Variants in COG5 observed in about 807,000 individuals in gnomAD.
COG5 encodes the protein component of oligomeric golgi complex 5, also known as conserved oligomeric Golgi complex subunit 5.
A neutral mutation model predicts 110.4 loss-of-function variants in COG5; 86 were observed. The observed-to-expected ratio is 0.78, with a 90% CI of 0.65 to 0.93. The LOEUF (loss-of-function observed/expected upper bound fraction) is 0.93, where lower values mean the gene tolerates loss of function less well. Among genes scored for constraint, COG5 ranks in the 40% least tolerant of loss-of-function variants. The probability of loss-of-function intolerance (pLI) is 0.00; values close to 1 mark genes in which losing one functional copy is unlikely to be tolerated. For synonymous variants in COG5, 360 were observed against 334.6 expected, an observed-to-expected ratio of 1.08 and a Z score of -0.83; for missense variants, 1,077 against 987.0, an observed-to-expected ratio of 1.09 and a Z score of -1.22.
chr7:107,381,199 G>A (rs993840753), intron 7 of COG5, among the ~76,000 whole-genome samples: 18 of 152,108 alleles, frequency 1.2e-4, no homozygotes, highest in African/African-American at 4.3e-4. Flanking sequence ...AAAATCAAGT[G>A]CTTTAAAAAT....
chr7:107,349,299 T>C (rs138818902), intron 10 of COG5, among the ~76,000 whole-genome samples: 1 of 152,330 alleles, frequency 6.6e-6, no homozygotes, highest in East Asian at 1.9e-4. Context: ...TTATTTTTCT[T>C]GCCTATTCCA....
At chr7:107,290,755 C>T (rs1253499989) in intron 12 of COG5, among the ~76,000 whole-genome samples, 1 of 152,104 alleles carries the variant, frequency 6.6e-6, no homozygotes. Flanking sequence ...TTTGTTTCTG[C>T]TGAGAAGTCA....
intron 6 of COG5, among the ~76,000 whole-genome samples, chr7:107,427,028 G>C (rs1486991797): frequency 6.6e-6 from 1 of 152,130 alleles, no homozygotes; most frequent in East Asian, 1.9e-4. Flanking sequence ...ACTACTATTC[G>C]ATAATATGGG....
At chr7:107,298,786 C>T (rs1039249164) in intron 11 of COG5, among the ~76,000 whole-genome samples, 1 of 152,146 alleles carries the variant, frequency 6.6e-6, no homozygotes, top group Non-Finnish European at 1.5e-5. Context: ...ATATTTGGTT[C>T]CATTAAACCG....
chr7:107,286,350 C>T (rs1805627233), intron 12 of COG5, among the ~76,000 whole-genome samples: 1 of 152,116 alleles, frequency 6.6e-6, no homozygotes, highest in South Asian at 2.1e-4. Context: ...CTACATGACC[C>T]CTTCTTGCTT....
At chr7:107,210,734 T>A in intron 20 of COG5, 129 bp from the exon 21 acceptor site, 1 of 1,053,322 alleles carries the variant, frequency 9.5e-7, no homozygotes, top group Non-Finnish European at 1.4e-6. Flanking sequence ...CCAAGGGAAG[T>A]GTGAAGGGGG....
chr7:107,232,787 T>A (rs936827339), intron 18 of COG5, among the ~76,000 whole-genome samples: 2 of 152,062 alleles, frequency 1.3e-5, no homozygotes, highest in African/African-American at 4.8e-5. Context: ...TAAGAGGAGG[T>A]GACTCTGCCA....
At chr7:107,504,298 A>T (rs1022873503) in intron 6 of COG5, among the ~76,000 whole-genome samples, 2 of 152,194 alleles carry the variant, frequency 1.3e-5, no homozygotes, top group African/African-American at 4.8e-5. Context: ...GATATATCAC[A>T]TTTATTGATT....
intron 14 of COG5, among the ~76,000 whole-genome samples, chr7:107,262,544 G>C (rs1054519764): frequency 1.3e-5 from 2 of 152,154 alleles, no homozygotes; most frequent in African/African-American, 4.8e-5. Flanking sequence ...CAATGCCTGA[G>C]TGTGAGAAGC....
chr7:107,223,409 TAG>T (rs919629564), intron 19 of COG5, among the ~76,000 whole-genome samples: 8 of 152,114 alleles, frequency 5.3e-5, no homozygotes, highest in Non-Finnish European at 1.0e-4. Flanking sequence ...GGGTTCAAAG[TAG>T]AGAGGTTAAA....
intron 21 of COG5, among the ~76,000 whole-genome samples, chr7:107,205,118 C>T (rs1299846201): frequency 6.6e-6 from 1 of 152,194 alleles, no homozygotes; most frequent in African/African-American, 2.4e-5. Flanking sequence ...ACTGCTGTTT[C>T]TCCCCTGTTC....
Position 107,529,024 on chromosome 7 carries a change from T to TTAAAAAAAAAA in COG5, c.418-1668_418-1667insTTTTTTTTTTA, listed in dbSNP as rs769481378. 2.6e-3 allele frequency among the ~76,000 whole-genome samples: 256 copies of TTAAAAAAAAAA among 97,836 alleles called. 2 individuals are homozygous for TTAAAAAAAAAA. Among genetic ancestry groups the TTAAAAAAAAAA allele is most frequent in the African/African-American group, 0.012 (246 of 20,068 alleles). 64.2% of individuals were successfully genotyped at this position (97,836 alleles called of 152,430 possible). A position where few individuals can be genotyped will look rare whatever the true frequency, so the allele number is the denominator to read the frequency against. Reference sequence around the variant, plus strand: ...GAGAAACTAATCTGAAATACTTAAATAAAAAAAAAAAAAAAGGAATGCCAA... The same window carrying TTAAAAAAAAAA: ...GAGAAACTAATCTGAAATACTTAAATTAAAAAAAAAAAAAAAAAAAAAAAAAGGAATGCCAA... On this transcript the variant is annotated intron_variant, in intron 5 of 21. Coordinates refer to ENST00000297135, the MANE Select transcript of COG5 (RefSeq NM_006348.5).
intron 5 of COG5, among the ~76,000 whole-genome samples, chr7:107,532,420 T>C (rs969888457): frequency 6.6e-6 from 1 of 152,194 alleles, no homozygotes; most frequent in Admixed American, 6.5e-5. Flanking sequence ...GACTTTTCCA[T>C]AGACATAGCA....
intron 6 of COG5, among the ~76,000 whole-genome samples, chr7:107,473,728 C>A (rs1796791441): frequency 6.6e-6 from 1 of 151,802 alleles, no homozygotes; most frequent in South Asian, 2.1e-4. Flanking sequence ...TTTTATCATA[C>A]AAAAATACAC....
intron 12 of COG5, among the ~76,000 whole-genome samples, chr7:107,284,344 C>T (rs1349498742): frequency 1.3e-5 from 2 of 152,166 alleles, no homozygotes; most frequent in Non-Finnish European, 2.9e-5. Context: ...CCTATTAATG[C>T]TAATGGGGGC....
At chr7:107,215,639 T>G (rs1799468713) in intron 19 of COG5, among the ~76,000 whole-genome samples, 1 of 151,924 alleles carries the variant, frequency 6.6e-6, no homozygotes, top group South Asian at 2.1e-4. Context: ...ACTTACAGCC[T>G]GGGTGACAGA....
rs1402306368 is a variant in COG5 at position 107,201,577 on chromosome 7, AAT to A, written c.*1937_*1938del. On this transcript the variant is annotated 3_prime_UTR_variant, in exon 22 of 22. Transcript: ENST00000297135. ...GCATTGAGTCTTGAAATGATTTAAT[AAT>A]ATGAGTGAGGATTTGCTTTCTCCAT... The A allele has an allele frequency of 1.1e-5, 5 of 468,332 alleles. No homozygotes were observed. Among genetic ancestry groups the A allele is most frequent in the South Asian group, 5.0e-5 (1 of 20,126 alleles). The allele number at this position is 468,332 out of a possible 1,614,324, so 29.0% of individuals were successfully genotyped here.
intron 7 of COG5, among the ~76,000 whole-genome samples, chr7:107,374,066 T>C (rs1168532038): frequency 2.0e-5 from 3 of 152,114 alleles, no homozygotes; most frequent in Non-Finnish European, 4.4e-5. Context: ...ATGGATATTA[T>C]TTCAAATTAA....
At chr7:107,375,229 T>C (rs1202739816) in intron 7 of COG5, among the ~76,000 whole-genome samples, 1 of 152,100 alleles carries the variant, frequency 6.6e-6, no homozygotes, top group Admixed American at 6.5e-5. Context: ...TGCTGTGCAG[T>C]ATTCCACTGT....
Sources: gnomAD v4.1 joint callset for allele counts (sites outside exome capture counted in the v4.1 genomes callset) on GRCh38, gnomAD v4.1.1 for gene constraint, MANE v1.5 for transcripts, NCBI Gene and HGNC (gene_info 2026-07-23, HGNC 2026-07-21) for gene names.